Variants in OTUD7A observed in about 807,000 individuals in gnomAD.
The protein encoded by OTUD7A is OTU deubiquitinase 7A, also known as OTU domain-containing protein 7A.
Under a neutral mutation model 65.7 loss-of-function variants are expected in OTUD7A, and 12 were observed. The observed-to-expected ratio is 0.18, with a 90% CI of 0.12 to 0.30. The LOEUF (loss-of-function observed/expected upper bound fraction) is 0.30, where lower values mean the gene tolerates loss of function less well. Among genes scored for constraint, OTUD7A ranks in the 10% least tolerant of loss-of-function variants. The pLI, the probability that OTUD7A is intolerant of heterozygous loss-of-function variation, is 1.00. For synonymous variants in OTUD7A, 641 were observed against 586.3 expected, an observed-to-expected ratio of 1.09 and a Z score of -1.35; for missense variants, 1,148 against 1,304.8, an observed-to-expected ratio of 0.88 and a Z score of 1.85.
chr15:31,792,863 C>T (rs79416047), intron 1 of OTUD7A, among the ~76,000 whole-genome samples: 3 of 152,272 alleles, frequency 2.0e-5, no homozygotes, highest in Admixed American at 6.5e-5. Flanking sequence ...CTGTGCAGAC[C>T]CCAGGGTGGG....
intron 1 of OTUD7A, among the ~76,000 whole-genome samples, chr15:31,758,017 C>T (rs1016922985): frequency 1.3e-5 from 2 of 152,162 alleles, no homozygotes; most frequent in African/African-American, 4.8e-5. Context: ...TTTAAGGGAA[C>T]TCACAAAAAT....
rs887072281 is a variant in OTUD7A, at chr15:31,673,021, C to A, written c.-99-15944G>T. ...TGGGCTTAGGATCCCAAAAAGGTTA[C>A]AGACTGTTCATAAAAACTACAGATG... is the stretch of plus-strand genomic sequence containing the variant. On this transcript the variant is annotated intron_variant, in intron 1 of 12. Coordinates refer to ENST00000307050, the MANE Select transcript of OTUD7A (RefSeq NM_001382637.1). 5.9e-5 allele frequency among the ~76,000 whole-genome samples: 9 copies of A among 152,284 alleles called. No homozygotes were observed. The South Asian group carries it at 1.9e-3, about 32-fold the overall frequency.
chr15:31,853,160 A>G (rs1897474515), intron 1 of OTUD7A, among the ~76,000 whole-genome samples: 1 of 152,244 alleles, frequency 6.6e-6, no homozygotes, highest in Non-Finnish European at 1.5e-5. Context: ...TCTTCTTGGA[A>G]AAGGAGCCCT....
At chr15:31,551,963 G>T (rs1415573599) in intron 5 of OTUD7A, among the ~76,000 whole-genome samples, 4 of 152,196 alleles carry the variant, frequency 2.6e-5, no homozygotes, top group Non-Finnish European at 5.9e-5. Flanking sequence ...AATCTATGTT[G>T]AAATGTGATC....
chr15:31,505,524 ACT>A (rs2041546566), intron 8 of OTUD7A, among the ~76,000 whole-genome samples: 2 of 150,712 alleles, frequency 1.3e-5, no homozygotes, highest in Middle Eastern at 3.4e-3. Flanking sequence ...TGAAGAGAAA[ACT>A]CTATTTTACT....
intron 1 of OTUD7A, among the ~76,000 whole-genome samples, chr15:31,715,362 T>C (rs1273512175): frequency 6.9e-6 from 1 of 143,972 alleles, no homozygotes; most frequent in African/African-American, 2.5e-5. Flanking sequence ...TGCTGCTTCC[T>C]TGGCCTCTGT....
intron 5 of OTUD7A, among the ~76,000 whole-genome samples, chr15:31,551,484 A>C (rs1391513858): frequency 1.3e-5 from 2 of 152,222 alleles, no homozygotes; most frequent in African/African-American, 4.8e-5. Context: ...TGAGAGAGGC[A>C]GGTGGTTTCA....
chr15:31,726,637 T>C (rs1012294580), intron 1 of OTUD7A, among the ~76,000 whole-genome samples: 2 of 152,192 alleles, frequency 1.3e-5, no homozygotes, highest in African/African-American at 4.8e-5. Context: ...AGACGTATAT[T>C]CCTTAAGAAA....
intron 8 of OTUD7A, among the ~76,000 whole-genome samples, chr15:31,517,902 A>G (rs138203519): frequency 6.6e-6 from 1 of 152,192 alleles, no homozygotes; most frequent in Non-Finnish European, 1.5e-5. Context: ...TGTCATAGAT[A>G]AGGAAGCCAG....
chr15:31,678,742 G>A (rs1892647433), intron 1 of OTUD7A, among the ~76,000 whole-genome samples: 1 of 152,206 alleles, frequency 6.6e-6, no homozygotes, highest in Non-Finnish European at 1.5e-5. Context: ...TGCTGCAGGG[G>A]CAAAGCCCTC....
chr15:31,535,675 T>G (rs28448738), intron 5 of OTUD7A, among the ~76,000 whole-genome samples: 1 of 54,726 alleles, frequency 1.8e-5, no homozygotes, highest in Non-Finnish European at 3.3e-5. Flanking sequence ...TCTGTTTTTG[T>G]TTTTTTTTTT....
At chr15:31,757,274 T>G (rs544948114) in intron 1 of OTUD7A, among the ~76,000 whole-genome samples, 1 of 152,066 alleles carries the variant, frequency 6.6e-6, no homozygotes, top group African/African-American at 2.4e-5. Context: ...TTACTTCATC[T>G]CTTCTTTTAT....
In OTUD7A at chr15:31,590,351, TTTCTG is replaced by T. The variant is rs1373318584; in HGVS notation, c.152-20159_152-20155del. Among the ~76,000 whole-genome samples, 26 of 152,360 alleles carry T rather than the reference TTTCTG, an allele frequency of 1.7e-4. 1 individual carries two copies. Among genetic ancestry groups the T allele is most frequent in the Non-Finnish European group, 3.4e-4 (23 of 68,034 alleles). ...TACCAATCACATGTCTCATAAGGTATTTCTGTCATTCAGTGATGAATGACTATATA... is the reference window on the plus strand; with the variant it reads ...TACCAATCACATGTCTCATAAGGTATTCATTCAGTGATGAATGACTATATA... On this transcript the variant is annotated intron_variant, in intron 3 of 12. Transcript: ENST00000307050.
chr15:31,646,883 T>G (rs1891689578), intron 3 of OTUD7A, among the ~76,000 whole-genome samples: 1 of 152,158 alleles, frequency 6.6e-6, no homozygotes, highest in Non-Finnish European at 1.5e-5. Flanking sequence ...TCTACTTAAT[T>G]GATCAGCGTG....
At chr15:31,833,232 G>A (rs939203495) in intron 1 of OTUD7A, among the ~76,000 whole-genome samples, 2 of 152,224 alleles carry the variant, frequency 1.3e-5, no homozygotes, top group Admixed American at 1.3e-4. Flanking sequence ...CTCCACAGCT[G>A]AGAATTGAGG....
chr15:31,677,857 A>G lies in OTUD7A; in HGVS notation c.-99-20780T>C, dbSNP rs141388092. On this transcript the variant is annotated intron_variant, in intron 1 of 12. Transcript: ENST00000307050. ...CCAAGAATGTGGAAGTGACTTTAGA[A>G]CTGGGTACAGGCAGAAGTTGGAACA... is the stretch of plus-strand genomic sequence containing the variant. Among the ~76,000 whole-genome samples, 966 of 152,294 alleles carry G rather than the reference A, an allele frequency of 6.3e-3. 10 individuals are homozygous for G. Among genetic ancestry groups the G allele is most frequent in the African/African-American group, 0.021 (875 of 41,542 alleles).
chr15:31,643,888 C>A (rs901805077), intron 3 of OTUD7A, among the ~76,000 whole-genome samples: 6 of 152,260 alleles, frequency 3.9e-5, no homozygotes, highest in Middle Eastern at 3.4e-3. Context: ...AAAAGCAGCC[C>A]AGGAAATCAC....
intron 6 of OTUD7A, among the ~76,000 whole-genome samples, 158 bp downstream of exon 6, chr15:31,530,549 T>C (rs1421762746): frequency 1.3e-5 from 2 of 152,238 alleles, no homozygotes; most frequent in Admixed American, 6.5e-5. Flanking sequence ...AGGGCCAGGA[T>C]TGTTGGCTCT....
chr15:31,802,547 C>A (rs748212269), intron 1 of OTUD7A, among the ~76,000 whole-genome samples: 1 of 152,166 alleles, frequency 6.6e-6, no homozygotes, highest in South Asian at 2.1e-4. Flanking sequence ...TTAACCACCA[C>A]ATAAAGTATA....
Sources: gnomAD v4.1 joint callset for allele counts (sites outside exome capture counted in the v4.1 genomes callset) on GRCh38, gnomAD v4.1.1 for gene constraint, MANE v1.5 for transcripts, NCBI Gene and HGNC (gene_info 2026-07-23, HGNC 2026-07-21) for gene names.